MTHFD1L: variants seen among roughly 807,000 people sequenced by gnomAD.
MTHFD1L encodes monofunctional C1-tetrahydrofolate synthase, mitochondrial.
Under a neutral mutation model 119.5 loss-of-function variants are expected in MTHFD1L, and 81 were observed. That is an observed-to-expected ratio of 0.68 (90% CI 0.57 to 0.82). The LOEUF (loss-of-function observed/expected upper bound fraction) is 0.82. MTHFD1L is among the 40% of genes least tolerant of loss of function. The pLI is 0.00. For synonymous variants in MTHFD1L, 430 were observed against 475.2 expected (o/e 0.90, Z 1.24); for missense variants, 1,125 against 1,253.4 (o/e 0.90, Z 1.55).
chr6:151,099,819 G>C, intron 27 of MTHFD1L: 1 of 1,603,660 alleles, frequency 6.2e-7, no homozygotes, highest in Non-Finnish European at 8.5e-7. Flanking sequence ...CTTGTGCCGA[G>C]ATCGCTCACA....
chr6:150,944,774 T>C (rs1459867696), intron 14 of MTHFD1L, among the ~76,000 whole-genome samples, 181 bp downstream of exon 14: 1 of 152,240 alleles, frequency 6.6e-6, no homozygotes, highest in African/African-American at 2.4e-5. Context: ...GATCAGATTC[T>C]CAAATGGGTT....
intron 8 of MTHFD1L, among the ~76,000 whole-genome samples, chr6:150,911,327 AC>A: frequency 6.6e-6 from 1 of 152,126 alleles, no homozygotes; most frequent in Non-Finnish European, 1.5e-5. Flanking sequence ...TCTTTTAAAA[AC>A]TAGTGATATG....
intron 1 of MTHFD1L, among the ~76,000 whole-genome samples, chr6:150,872,075 A>C (rs1016807354): frequency 1.3e-5 from 2 of 150,078 alleles, no homozygotes; most frequent in African/African-American, 2.5e-5. Context: ...ACGGGGTTTC[A>C]CTATGTTGGC....
intron 7 of MTHFD1L, among the ~76,000 whole-genome samples, chr6:150,905,234 A>G (rs1562352269): frequency 6.6e-6 from 1 of 151,696 alleles, no homozygotes; most frequent in Non-Finnish European, 1.5e-5. Flanking sequence ...GGGTTTTACC[A>G]TGTTGGCCAG....
At chr6:150,993,659 A>G (rs1042396649) in intron 20 of MTHFD1L, among the ~76,000 whole-genome samples, 6 of 152,112 alleles carry the variant, frequency 3.9e-5, no homozygotes, top group African/African-American at 9.7e-5. Flanking sequence ...AAGCTCCTGG[A>G]TTCCTGCACA....
intron 24 of MTHFD1L, among the ~76,000 whole-genome samples, chr6:151,025,270 G>A (rs1364041488): frequency 6.6e-6 from 1 of 152,246 alleles, no homozygotes. Flanking sequence ...GTGGACGTCG[G>A]CACGTAGCTC....
intron 26 of MTHFD1L, among the ~76,000 whole-genome samples, chr6:151,074,541 G>A (rs1328572451): frequency 6.6e-6 from 1 of 152,194 alleles, no homozygotes; most frequent in African/African-American, 2.4e-5. Flanking sequence ...TATATGTGGT[G>A]TGGTAGTATA....
In MTHFD1L at chr6:151,019,216, C is replaced by CTCTGATCACGCCA. The variant is rs372055456; in HGVS notation, c.2586+3531_2586+3532insCGCCATCTGATCA. Among the ~76,000 whole-genome samples the CTCTGATCACGCCA allele has an allele frequency of 1.4e-4, 21 of 152,090 alleles. 1 individual carries two copies. Among genetic ancestry groups the CTCTGATCACGCCA allele is most frequent in the African/African-American group, 2.2e-4 (9 of 41,498 alleles). On this transcript the variant is annotated intron_variant, in intron 24 of 27. Coordinates refer to ENST00000367321, the MANE Select transcript of MTHFD1L (RefSeq NM_015440.5). ...CCCCCAGATCCTGCTGTGAGTGTGC[C>CTCTGATCACGCCA]TCTGATCATGCCATCTGATCATGCC...
chr6:150,950,509 C>T (rs529905452), intron 16 of MTHFD1L, among the ~76,000 whole-genome samples: 2 of 152,338 alleles, frequency 1.3e-5, no homozygotes, highest in African/African-American at 4.8e-5. Flanking sequence ...TTTGGACAGA[C>T]TGCTCACTCA....
intron 7 of MTHFD1L, among the ~76,000 whole-genome samples, chr6:150,891,330 T>G (rs1179506368): frequency 6.6e-6 from 1 of 151,778 alleles, no homozygotes; most frequent in East Asian, 1.9e-4. Context: ...AAAACCCAAG[T>G]TGCAGAAGGA....
rs1791821697 is a variant in MTHFD1L, at chr6:151,070,321, T to C, written c.2848-22146T>C. 6.6e-5 allele frequency among the ~76,000 whole-genome samples: 10 copies of C among 152,348 alleles called. No individual in the cohort carries two copies. The South Asian group carries it at 2.1e-3, about 32-fold the overall frequency. ...AAATGCTGAAACCACACCAGGTTGA[T>C]ATCTGACCTTTCACTTTTGGAAAAT... On this transcript the variant is annotated intron_variant, in intron 26 of 27. Transcript: ENST00000367321.
chr6:150,920,318 A>G (rs1788680516), intron 9 of MTHFD1L, among the ~76,000 whole-genome samples: 1 of 152,186 alleles, frequency 6.6e-6, no homozygotes, highest in African/African-American at 2.4e-5. Context: ...TGTGTGACCT[A>G]AAGGCGAAGG....
intron 26 of MTHFD1L, among the ~76,000 whole-genome samples, chr6:151,079,240 G>A (rs1426618602): frequency 6.6e-6 from 1 of 151,562 alleles, no homozygotes; most frequent in Non-Finnish European, 1.5e-5. Context: ...AGCTGGAGGG[G>A]GTGGGGAGTA....
chr6:150,951,043 TG>T (rs144804967), intron 16 of MTHFD1L, among the ~76,000 whole-genome samples: 22,918 of 138,738 alleles, frequency 0.17, 2,713 homozygotes, highest in Middle Eastern at 0.24. Context: ...GTTTTTTTTT[TG>T]TTTTTTTTTT....
chr6:151,014,731 C>A (rs1782765256), intron 22 of MTHFD1L, 149 bp from the exon 23 acceptor site: 1 of 605,790 alleles, frequency 1.7e-6, no homozygotes, highest in Non-Finnish European at 2.9e-6. Context: ...TGAAGACGAA[C>A]CTCTTTATTC....
At chr6:150,954,114 CT>C (rs1485760422) in intron 16 of MTHFD1L, among the ~76,000 whole-genome samples, 1 of 152,222 alleles carries the variant, frequency 6.6e-6, no homozygotes, top group Non-Finnish European at 1.5e-5. Context: ...GCAAGCTGGC[CT>C]GCTGGTGCTT....
intron 26 of MTHFD1L, among the ~76,000 whole-genome samples, chr6:151,041,253 G>T (rs1281164470): frequency 1.3e-5 from 2 of 152,234 alleles, no homozygotes; most frequent in Admixed American, 1.3e-4. Flanking sequence ...CACCAGAGGG[G>T]CCAGGATCTC....
intron 21 of MTHFD1L, among the ~76,000 whole-genome samples, chr6:151,012,019 C>CA (rs1043831602): frequency 0.019 from 1,144 of 58,814 alleles, 88 homozygotes; most frequent in Admixed American, 0.037. Context: ...ACAACAACAA[C>CA]AAAAAAAAAA....
intron 27 of MTHFD1L, among the ~76,000 whole-genome samples, chr6:151,094,527 T>C (rs147256574): frequency 0.032 from 4,804 of 150,410 alleles, 218 homozygotes; most frequent in South Asian, 0.12. Flanking sequence ...CACGCCCCGC[T>C]GATTTTTGTA....
Sources: gnomAD v4.1 joint callset for allele counts (sites outside exome capture counted in the v4.1 genomes callset) on GRCh38, gnomAD v4.1.1 for gene constraint, MANE v1.5 for transcripts, NCBI Gene and HGNC (gene_info 2026-07-23, HGNC 2026-07-21) for gene names.